Variants in PREX1 observed in about 807,000 individuals in gnomAD.
The protein encoded by PREX1 is phosphatidylinositol-3,4,5-trisphosphate dependent Rac exchange factor 1.
PREX1 carries 41 observed loss-of-function variants against 198.3 expected under a neutral mutation model. That is an observed-to-expected ratio of 0.21 (90% confidence interval 0.16 to 0.27). PREX1 has a LOEUF of 0.27. Among genes scored for constraint, PREX1 ranks in the 10% least tolerant of loss-of-function variants. The pLI, the probability that PREX1 is intolerant of heterozygous loss-of-function variation, is 1.00. For missense variants in PREX1, 1,620 were observed against 2,200.7 expected (o/e 0.74, Z 5.28); for synonymous variants, 843 against 887.2 (o/e 0.95, Z 0.89).
At chr20:48,726,017 C>A (rs1205731600) in intron 5 of PREX1, among the ~76,000 whole-genome samples, 1 of 152,070 alleles carries the variant, frequency 6.6e-6, no homozygotes, top group Admixed American at 6.5e-5. Flanking sequence ...CTTTCCTCAG[C>A]TCTTAGTAGA....
chr20:48,814,269 A>G (rs2090449794), intron 1 of PREX1, among the ~76,000 whole-genome samples: 1 of 152,268 alleles, frequency 6.6e-6, no homozygotes, highest in Admixed American at 6.5e-5. Context: ...GGCCATGAAC[A>G]CAGCAGACAA....
intron 1 of PREX1, among the ~76,000 whole-genome samples, chr20:48,816,305 G>A (rs2090458964): frequency 6.6e-6 from 1 of 152,196 alleles, no homozygotes; most frequent in Non-Finnish European, 1.5e-5. Flanking sequence ...ACTGACCATT[G>A]TTGGTGGGCA....
chr20:48,755,204 C>A (rs1398783735), intron 1 of PREX1, among the ~76,000 whole-genome samples: 2 of 152,106 alleles, frequency 1.3e-5, no homozygotes, highest in African/African-American at 4.8e-5. Flanking sequence ...AATCAAGTTA[C>A]AAACAAGTAC....
At chr20:48,726,227 C>A in intron 5 of PREX1, 63 bp downstream of exon 5, 1 of 1,432,130 alleles carries the variant, frequency 7.0e-7, no homozygotes, top group Non-Finnish European at 9.7e-7. Context: ...CTTGAACTAA[C>A]AAATTTTATG....
At chr20:48,630,997 C>T (rs895819477) in intron 35 of PREX1, among the ~76,000 whole-genome samples, 3 of 152,134 alleles carry the variant, frequency 2.0e-5, no homozygotes, top group Non-Finnish European at 4.4e-5. Context: ...GCCTCCTGAG[C>T]ACTCCTCCAA....
intron 5 of PREX1, among the ~76,000 whole-genome samples, chr20:48,719,072 T>C (rs1024240547): frequency 2.0e-5 from 3 of 152,140 alleles, no homozygotes; most frequent in Non-Finnish European, 4.4e-5. Flanking sequence ...GCCTGGGAGG[T>C]AACTACCATG....
At chr20:48,713,334 C>G (rs1362770123) in intron 5 of PREX1, among the ~76,000 whole-genome samples, 2 of 151,922 alleles carry the variant, frequency 1.3e-5, no homozygotes, top group Non-Finnish European at 2.9e-5. Flanking sequence ...CACCTGTAAT[C>G]TCAGCTACTT....
At chr20:48,676,908 T>C (rs2089713507) in intron 13 of PREX1, among the ~76,000 whole-genome samples, 1 of 152,180 alleles carries the variant, frequency 6.6e-6, no homozygotes, top group Non-Finnish European at 1.5e-5. Context: ...CAGAGGCCTG[T>C]GAGTTTCACG....
At chr20:48,869,893 C>T in the PREX1 span, among the ~76,000 whole-genome samples, 384 of 152,218 alleles carry the variant, frequency 2.5e-3, 1 homozygote, top group Non-Finnish European at 4.2e-3. Context: ...ACCTAATGCA[C>T]GCTGGGCTTA....
At chr20:48,799,392 A>T (rs2090376264) in intron 1 of PREX1, among the ~76,000 whole-genome samples, 1 of 152,142 alleles carries the variant, frequency 6.6e-6, no homozygotes, top group African/African-American at 2.4e-5. Flanking sequence ...AAAACGTTCG[A>T]AACATCCCTC....
intron 1 of PREX1, among the ~76,000 whole-genome samples, chr20:48,792,815 A>ACAC (rs758333598): frequency 4.0e-5 from 3 of 75,848 alleles, no homozygotes; most frequent in East Asian, 4.5e-4. Context: ...AAAAAAAAAA[A>ACAC]ATACACACAC....
At chr20:48,881,443 A>G in the PREX1 span, among the ~76,000 whole-genome samples, 1 of 151,098 alleles carries the variant, frequency 6.6e-6, no homozygotes, top group Non-Finnish European at 1.5e-5. Context: ...TTATTTATTA[A>G]CTTATTTTTA....
Position 48,691,513 on chromosome 20 carries a change from C to T in PREX1, c.1037-417G>A, listed in dbSNP as rs988432309. ...TACCCAGTGCTGGCTGGGATGGGAC[C>T]TGGAAAACCTCTCAAACAGATTGGC... On this transcript the variant is annotated intron_variant, in intron 8 of 39. Coordinates refer to ENST00000371941, the MANE Select transcript of PREX1 (RefSeq NM_020820.4). This position sits in a 1 kb window ranked among gnomAD's most constrained non-coding sequence, Gnocchi z 5.0. Among the ~76,000 whole-genome samples the T allele has an allele frequency of 6.6e-6, 1 of 152,132 alleles. No individual in the cohort carries two copies. Among genetic ancestry groups the T allele is most frequent in the African/African-American group, 2.4e-5 (1 of 41,412 alleles).
intron 3 of PREX1, among the ~76,000 whole-genome samples, chr20:48,738,898 A>G (rs1026392767): frequency 6.6e-6 from 1 of 152,176 alleles, no homozygotes; most frequent in Non-Finnish European, 1.5e-5. Flanking sequence ...CATATTCTCC[A>G]GTGGGGAGGA....
intron 4 of PREX1, among the ~76,000 whole-genome samples, chr20:48,729,847 G>T (rs73138218): frequency 0.088 from 13,350 of 152,196 alleles, 709 homozygotes; most frequent in South Asian, 0.12. Context: ...AACCTTATTT[G>T]GAAATTGGAT....
chr20:48,633,934 G>A (rs1462056900), intron 33 of PREX1, among the ~76,000 whole-genome samples: 1 of 152,238 alleles, frequency 6.6e-6, no homozygotes, highest in Non-Finnish European at 1.5e-5. Flanking sequence ...TATACTATGT[G>A]CTCAAAATTA....
intron 4 of PREX1, among the ~76,000 whole-genome samples, chr20:48,730,156 A>T (rs944723460): frequency 2.0e-5 from 3 of 151,778 alleles, no homozygotes; most frequent in Non-Finnish European, 4.4e-5. Flanking sequence ...GTTTTAAGCA[A>T]CCCCATCTGT....
At chr20:48,777,267 C>G (rs1346243189) in intron 1 of PREX1, among the ~76,000 whole-genome samples, 1 of 152,104 alleles carries the variant, frequency 6.6e-6, no homozygotes, top group Non-Finnish European at 1.5e-5. Flanking sequence ...TGGTCATGCC[C>G]CAATTCTCTA....
intron 4 of PREX1, among the ~76,000 whole-genome samples, chr20:48,733,705 C>CTGCTGTTGTTGTTGTTGTTGT (rs2090044509): frequency 6.6e-6 from 1 of 151,086 alleles, no homozygotes; most frequent in East Asian, 1.9e-4. Flanking sequence ...GTTGTTGTTG[C>CTGCTGTTGTTGTTGTTGTTGT]TGTTGTTGTT....
Sources: allele counts gnomAD v4.1 joint callset (sites outside exome capture counted in the v4.1 genomes callset), GRCh38; gene constraint gnomAD v4.1.1; non-coding constraint Gnocchi (gnomAD v3.1); transcripts MANE v1.5; gene names NCBI Gene and HGNC (gene_info 2026-07-23, HGNC 2026-07-21).